NOL8: variants seen among roughly 807,000 people sequenced by gnomAD.
The protein encoded by NOL8 is nucleolar protein Nop132.
A neutral mutation model predicts 116.1 loss-of-function variants in NOL8; 93 were observed. That is an observed-to-expected ratio of 0.80 (90% confidence interval 0.68 to 0.95). The LOEUF (loss-of-function observed/expected upper bound fraction) is 0.95. Among genes scored for constraint, NOL8 ranks in the 40% least tolerant of loss-of-function variants. The probability of loss-of-function intolerance (pLI) is 0.00; values close to 1 mark genes in which losing one functional copy is unlikely to be tolerated. For synonymous variants in NOL8, 419 were observed against 469.0 expected, an observed-to-expected ratio of 0.89 and a Z score of 1.38; for missense variants, 1,291 against 1,382.8, an observed-to-expected ratio of 0.93 and a Z score of 1.05.
Position 92,310,697 on chromosome 9 carries a change from A to T in NOL8, c.2473-22T>A, listed in dbSNP as rs758554481. The stretch of plus-strand genomic sequence containing the variant: ...ACTCCTGTGAAGAAACACAACATTT[A>T]TTAATAGCAGAGGCAAACAAGCAGT... On this transcript the variant is annotated intron_variant, in intron 8 of 16. Coordinates refer to ENST00000442668, the MANE Select transcript of NOL8 (RefSeq NM_017948.6). The T allele has an allele frequency of 9.5e-6, 15 of 1,585,572 alleles. No homozygotes were observed. The East Asian group carries it at 3.1e-4, about 33-fold the overall frequency.
chr9:92,301,652 G>C lies in NOL8; in HGVS notation c.3074C>G (p.Pro1025Arg), dbSNP rs977861439. 3 of 1,601,898 alleles carry C rather than the reference G, an allele frequency of 1.9e-6. No individual in the cohort carries two copies. The highest frequency in any genetic ancestry group is 2.7e-5 in the African/African-American group (2 of 73,732). The stretch of plus-strand genomic sequence containing the variant: ...AGCTGCAGGGTCCTGGATTTCCTCA[G>C]GTTTCTCTTTACCACAGTCCTCATT... ...PWNEDCGKEK[P>R]EEIQDPAALT... Residue 1025 changes from proline to arginine, a missense_variant, in exon 13 of 17, where the codon CCT (proline) becomes CGT (arginine). By Grantham distance (103) the Pro-to-Arg change is moderately radical. Transcript: ENST00000442668.
chr9:92,306,671 T>G (rs1258346595), intron 11 of NOL8, among the ~76,000 whole-genome samples: 1 of 152,258 alleles, frequency 6.6e-6, no homozygotes, highest in Non-Finnish European at 1.5e-5. Flanking sequence ...AAAGCGATGC[T>G]GCTATGACAT....
chr9:92,308,248 C>T (rs1017412005), intron 10 of NOL8, among the ~76,000 whole-genome samples: 2 of 152,226 alleles, frequency 1.3e-5, no homozygotes, highest in South Asian at 2.1e-4. Flanking sequence ...ATTAGCTGGA[C>T]ATGGTGGCAC....
In NOL8 at chr9:92,315,116, A is replaced by G. The variant is rs777597974; in HGVS notation, c.1509T>C (p.Asn503=). 3.5e-5 allele frequency: 57 copies of G among 1,613,832 alleles called. No individual in the cohort carries two copies. The highest frequency in any genetic ancestry group is 4.3e-5 in the Non-Finnish European group (51 of 1,179,886). Residue 503 remains asparagine, a synonymous_variant, in exon 7 of 17, where the codon AAT becomes AAC. Transcript: ENST00000442668. ...CTGGTCCATCACTCTTAGTATCTTCATTTGGAACCTTCAGATCACTGCCAG... is the reference window on the plus strand; with the variant it reads ...CTGGTCCATCACTCTTAGTATCTTCGTTTGGAACCTTCAGATCACTGCCAG... ...QLAGSDLKVP[N]EDTKSDGPET...
chr9:92,320,773 A>C (rs1839859700), intron 4 of NOL8, among the ~76,000 whole-genome samples: 1 of 151,834 alleles, frequency 6.6e-6, no homozygotes, highest in Non-Finnish European at 1.5e-5. Context: ...CAACCAGCTA[A>C]TTTTTGTATT....
rs1304157142 is a variant in NOL8, at chr9:92,314,944, G to A, written c.1681C>T (p.Pro561Ser). The change falls in exon 7 of 17, where the codon CCA (proline) becomes TCA (serine). Residue 561 changes from proline (P) to serine (S), a missense_variant. Transcript: ENST00000442668. Reference sequence around the variant, plus strand: ...TTTGGCTTTAAATTGTTTTCCTTTGGTTTCTGTTTGCCACAGGTGTTCTCC... The same window carrying A: ...TTTGGCTTTAAATTGTTTTCCTTTGATTTCTGTTTGCCACAGGTGTTCTCC... ...GEENTCGKQK[P>S]KENNLKPKFQ... 1 of 1,613,856 alleles carries A rather than the reference G, an allele frequency of 6.2e-7. No homozygotes were observed. Among genetic ancestry groups the A allele is most frequent in the Admixed American group, 1.7e-5 (1 of 60,024 alleles).
rs1838604118 is a variant in NOL8 at position 92,309,801 on chromosome 9, CGAT to C, written c.2686+367_2686+369del. On this transcript the variant is annotated intron_variant, in intron 10 of 16. Coordinates refer to ENST00000442668, the MANE Select transcript of NOL8 (RefSeq NM_017948.6). ...TGCACCAGGTATGCACACTGGAGGA[CGAT>C]GAACACTGTTCCTTTTAGAAAGCCA... is the stretch of plus-strand genomic sequence containing the variant. Among the ~76,000 whole-genome samples, 7 of 152,270 alleles carry C rather than the reference CGAT, an allele frequency of 4.6e-5. No individual in the cohort carries two copies. In the South Asian group the frequency reaches 1.5e-3, roughly 32 times the overall value.
intron 10 of NOL8, among the ~76,000 whole-genome samples, chr9:92,307,606 C>T (rs1331885732): frequency 6.6e-6 from 1 of 152,166 alleles, no homozygotes; most frequent in African/African-American, 2.4e-5. Flanking sequence ...TAAAGTTAAA[C>T]AGCTAGTTTG....
chr9:92,299,297 G>A (rs1415675315), intron 14 of NOL8, among the ~76,000 whole-genome samples: 9 of 152,086 alleles, frequency 5.9e-5, no homozygotes, highest in Admixed American at 5.9e-4. Flanking sequence ...CCATGGGTAG[G>A]CACCCAGTCA....
At chr9:92,308,434 A>T (rs1343032353) in intron 10 of NOL8, among the ~76,000 whole-genome samples, 2 of 152,234 alleles carry the variant, frequency 1.3e-5, no homozygotes, top group African/African-American at 4.8e-5. Flanking sequence ...TGGACACGCC[A>T]TCAACGCAGA....
At chr9:92,320,040 G>A (rs879640795) in intron 4 of NOL8, 69 of 455,780 alleles carry the variant, frequency 1.5e-4, no homozygotes, top group Non-Finnish European at 2.9e-4. Context: ...ATTTATATAC[G>A]TTTGGCATTT....
chr9:92,317,988 T>G (rs937413954), intron 6 of NOL8, among the ~76,000 whole-genome samples: 2 of 143,004 alleles, frequency 1.4e-5, no homozygotes, highest in Non-Finnish European at 1.5e-5. Context: ...TGAGCCAAGA[T>G]TGTGCCACTG....
At position 92,323,441 on chromosome 9, in the gene NOL8, A is replaced by G. The variant is rs749735168; in HGVS notation, c.202T>C (p.Cys68Arg). The G allele has an allele frequency of 6.2e-7, 1 of 1,602,308 alleles. No individual in the cohort carries two copies. Among genetic ancestry groups the G allele is most frequent in the South Asian group, 1.1e-5 (1 of 89,032 alleles). ...TATAGAAAATATATGATGATCTTAC[A>G]TTTTTTCAGGTCCGCTTCTGCTACA... ...ISVAEADLKK[C>R]MSVLNKTKWK... Residue 68 changes from cysteine (C) to arginine (R), a missense_variant and splice_region_variant, in exon 3 of 17, where the codon TGT (cysteine) becomes CGT (arginine). Cys to Arg is a radical substitution (Grantham distance 180). Transcript: ENST00000442668.
rs1839627427 is a variant in NOL8, at chr9:92,318,490, T to C, written c.486+128A>G. ...TAATTGTTTCATACATGTAGGTGAG[T>C]ACCAAGAAACTGGGAACACGCAAAC... On this transcript the variant is annotated intron_variant, in intron 6 of 16. Coordinates refer to ENST00000442668, the MANE Select transcript of NOL8 (RefSeq NM_017948.6). 12 of 687,546 alleles carry C rather than the reference T, an allele frequency of 1.7e-5. No individual in the cohort carries two copies. The South Asian group carries it at 2.1e-4, about 12-fold the overall frequency. The allele number at this position is 687,546 out of a possible 1,614,324, so 42.6% of individuals were successfully genotyped here.
Position 92,314,430 on chromosome 9 carries a change from C to T in NOL8, c.2195G>A (p.Arg732Gln), listed in dbSNP as rs753973608. The T allele has an allele frequency of 3.1e-5, 50 of 1,613,250 alleles. No homozygotes were observed. Among genetic ancestry groups the T allele is most frequent in the Admixed American group, 1.3e-4 (8 of 59,954 alleles). ...KSPKVSSKDT[R>Q]EIKTDFSLSI... is the part of the protein sequence containing the mutation. ...AAGTGAGAAATCAGTTTTGATTTCC[C>T]GAGTGTCCTTGGATGAGACCTTTGG... Residue 732 changes from arginine to glutamine, a missense_variant, in exon 7 of 17, where the codon CGG (arginine) becomes CAG (glutamine). Coordinates refer to ENST00000442668, the MANE Select transcript of NOL8 (RefSeq NM_017948.6).
intron 8 of NOL8, 80 bp from the exon 9 acceptor site, chr9:92,310,755 A>T: frequency 6.9e-7 from 1 of 1,446,048 alleles, no homozygotes; most frequent in South Asian, 1.4e-5. Flanking sequence ...TCTCCCTCAC[A>T]TTGAAAGCCA....
At position 92,315,662 on chromosome 9, in the gene NOL8, A is replaced by G; in HGVS notation, c.963T>C (p.Thr321=). Residue 321 remains threonine, a synonymous_variant, in exon 7 of 17, where the codon ACT becomes ACC. Transcript: ENST00000442668. Reference sequence around the variant, plus strand: ...CAGATTCATTTATTGAGGGTTGTGTAGTTCTCTGTAAGTTTTCCTCTTTCG... The same window carrying G: ...CAGATTCATTTATTGAGGGTTGTGTGGTTCTCTGTAAGTTTTCCTCTTTCG... ...MIAKEENLQR[T]TQPSINESES... is the part of the protein sequence containing the mutation. The G allele has an allele frequency of 6.2e-7, 1 of 1,612,754 alleles. No individual in the cohort carries two copies. The highest frequency in any genetic ancestry group is 8.5e-7 in the Non-Finnish European group (1 of 1,179,292).
chr9:92,324,392 A>C, intron 1 of NOL8, 183 bp from the exon 2 acceptor site: 1 of 487,120 alleles, frequency 2.1e-6, no homozygotes, highest in Non-Finnish European at 3.6e-6. Flanking sequence ...TCATGAATGC[A>C]CTTTGGAACA....
Position 92,299,889 on chromosome 9 carries a change from C to T in NOL8, c.3302+1G>A. On this transcript the variant is annotated splice_donor_variant, in intron 14 of 16. Transcript: ENST00000442668. LOFTEE classifies it high-confidence loss of function. ...TGCCTGCAAAGAAACAAATTGTTTA[C>T]CCAGGACTGGAGTTTCTGTGATCTG... is the stretch of plus-strand genomic sequence containing the variant. The T allele has an allele frequency of 6.2e-7, 1 of 1,612,516 alleles. No individual in the cohort carries two copies. Among genetic ancestry groups the T allele is most frequent in the Non-Finnish European group, 8.5e-7 (1 of 1,179,042 alleles).
Sources: gnomAD v4.1 joint callset for allele counts (sites outside exome capture counted in the v4.1 genomes callset) on GRCh38, gnomAD v4.1.1 for gene constraint, MANE v1.5 for transcripts, NCBI Gene and HGNC (gene_info 2026-07-23, HGNC 2026-07-21) for gene names.